Variants in CCDC85A observed in about 807,000 individuals in gnomAD.
CCDC85A encodes the protein coiled-coil domain containing 85A.
A neutral mutation model predicts 50.2 loss-of-function variants in CCDC85A; 38 were observed. The observed-to-expected ratio is 0.76, with a 90% CI of 0.58 to 0.99. The LOEUF (loss-of-function observed/expected upper bound fraction) is 0.99. Among genes scored for constraint, CCDC85A ranks in the 50% least tolerant of loss-of-function variants. The pLI is 0.00. For synonymous variants in CCDC85A, 366 were observed against 301.4 expected (o/e 1.21, Z -2.22); for missense variants, 820 against 742.0 (o/e 1.11, Z -1.22).
chr2:56,228,209 C>T (rs147195267), intron 2 of CCDC85A, among the ~76,000 whole-genome samples: 134 of 152,226 alleles, frequency 8.8e-4, no homozygotes, highest in Non-Finnish European at 1.5e-3. Flanking sequence ...CTTCACTGTG[C>T]CCTAATTTCC....
chr2:56,378,584 A>T (rs1676444850), intron 5 of CCDC85A, among the ~76,000 whole-genome samples: 2 of 152,196 alleles, frequency 1.3e-5, no homozygotes, highest in African/African-American at 4.8e-5. Context: ...CTGTAATCTG[A>T]GGTGAGTATC....
chr2:56,305,263 A>G (rs539618928), intron 2 of CCDC85A, among the ~76,000 whole-genome samples: 21 of 152,316 alleles, frequency 1.4e-4, no homozygotes, highest in African/African-American at 4.8e-4. Context: ...GCTAGTGTTT[A>G]CTGAACAGTT....
chr2:56,229,230 TC>T (rs1438779848), intron 2 of CCDC85A, among the ~76,000 whole-genome samples: 1 of 152,206 alleles, frequency 6.6e-6, no homozygotes, highest in Non-Finnish European at 1.5e-5. Context: ...CCAGTGTTTT[TC>T]CCCTTTACCA....
rs183351403 is a variant in CCDC85A at position 56,385,268 on chromosome 2, A to T, written c.*913A>T. 3.0e-4 allele frequency: 46 copies of T among 152,396 alleles called. No homozygotes were observed. The highest frequency in any genetic ancestry group is 4.4e-5 in the Non-Finnish European group (3 of 67,830). 9.4% of individuals were successfully genotyped at this position (152,396 alleles called of 1,614,324 possible). A position where few individuals can be genotyped will look rare whatever the true frequency, so the allele number is the denominator to read the frequency against. On this transcript the variant is annotated 3_prime_UTR_variant, in exon 6 of 6. Transcript: ENST00000407595. ...TTAATAAACTTTATGTAAACTTTAA[A>T]ATATTGCACTGCATTTATGAAAAAA...
intron 2 of CCDC85A, among the ~76,000 whole-genome samples, chr2:56,208,090 T>C (rs976575211): frequency 3.3e-5 from 5 of 152,174 alleles, no homozygotes; most frequent in African/African-American, 9.7e-5. Context: ...ATATTGTTTC[T>C]TAAGGATTGA....
intron 2 of CCDC85A, among the ~76,000 whole-genome samples, chr2:56,341,177 G>A (rs907269541): frequency 2.0e-5 from 3 of 152,070 alleles, no homozygotes; most frequent in Non-Finnish European, 2.9e-5. Context: ...TAGCCGTCTC[G>A]CATTTCCAGA....
chr2:56,202,789 T>A (rs1676797745), intron 2 of CCDC85A, among the ~76,000 whole-genome samples: 1 of 152,204 alleles, frequency 6.6e-6, no homozygotes, highest in East Asian at 1.9e-4. Flanking sequence ...TCTTGAGAAT[T>A]CAAATTAACC....
chr2:56,188,561 T>G (rs116865878), intron 1 of CCDC85A, among the ~76,000 whole-genome samples: 2 of 152,378 alleles, frequency 1.3e-5, no homozygotes, highest in East Asian at 1.9e-4. Flanking sequence ...GAACATGACT[T>G]GAGCTTTCTA....
chr2:56,368,897 T>G (rs2104385563), intron 3 of CCDC85A, among the ~76,000 whole-genome samples: 1 of 152,168 alleles, frequency 6.6e-6, no homozygotes, highest in Non-Finnish European at 1.5e-5. Context: ...TCCATTTTTC[T>G]GGCGTGCAAA....
chr2:56,285,274 T>C (rs1171615859), intron 2 of CCDC85A, among the ~76,000 whole-genome samples: 1 of 151,228 alleles, frequency 6.6e-6, no homozygotes, highest in African/African-American at 2.4e-5. Context: ...GCTAATTTTT[T>C]TGTGTTTTTC....
chr2:56,301,338 G>T (rs1394987948), intron 2 of CCDC85A, among the ~76,000 whole-genome samples: 1 of 152,068 alleles, frequency 6.6e-6, no homozygotes, highest in East Asian at 1.9e-4. Context: ...TTGTGGTAAG[G>T]CAATGTTTCT....
At chr2:56,228,737 G>A (rs1042761012) in intron 2 of CCDC85A, among the ~76,000 whole-genome samples, 1 of 152,042 alleles carries the variant, frequency 6.6e-6, no homozygotes, top group Non-Finnish European at 1.5e-5. Context: ...GTTTCACTGT[G>A]TTAGCCAGGA....
chr2:56,249,571 T>G (rs1472578170), intron 2 of CCDC85A, among the ~76,000 whole-genome samples: 1 of 152,248 alleles, frequency 6.6e-6, no homozygotes, highest in Non-Finnish European at 1.5e-5. Flanking sequence ...GCAGCTTTAT[T>G]TAGATCAGCT....
chr2:56,345,276 A>G (rs553345800), intron 3 of CCDC85A, among the ~76,000 whole-genome samples: 1 of 152,310 alleles, frequency 6.6e-6, no homozygotes, highest in South Asian at 2.1e-4. Flanking sequence ...TGTGGGATGC[A>G]CCATCATGAT....
chr2:56,318,877 G>GT (rs1188217284), intron 2 of CCDC85A, among the ~76,000 whole-genome samples: 1 of 152,110 alleles, frequency 6.6e-6, no homozygotes, highest in Non-Finnish European at 1.5e-5. Flanking sequence ...TCTTGCTGGT[G>GT]TTAAGTATAG....
chr2:56,333,892 C>G (rs1300491585), intron 2 of CCDC85A, among the ~76,000 whole-genome samples: 1 of 152,172 alleles, frequency 6.6e-6, no homozygotes. Flanking sequence ...AGGAAGGTGA[C>G]AAGACAAACA....
At chr2:56,297,393 CT>C (rs72027842) in intron 2 of CCDC85A, among the ~76,000 whole-genome samples, 16,801 of 136,046 alleles carry the variant, frequency 0.12, 1,033 homozygotes, top group African/African-American at 0.16. Flanking sequence ...TTGTACGAGC[CT>C]TTTTTTTTTT....
At chr2:56,217,696 G>A (rs895959628) in intron 2 of CCDC85A, among the ~76,000 whole-genome samples, 1 of 151,658 alleles carries the variant, frequency 6.6e-6, no homozygotes, top group Non-Finnish European at 1.5e-5. Context: ...TTTTCTATAT[G>A]CAATAAAAGC....
At chr2:56,360,577 G>A (rs892261778) in intron 3 of CCDC85A, among the ~76,000 whole-genome samples, 1 of 152,128 alleles carries the variant, frequency 6.6e-6, no homozygotes, top group African/African-American at 2.4e-5. Flanking sequence ...AAGCTTTAGT[G>A]TCACTTTTCA....
Sources: allele counts gnomAD v4.1 joint callset (sites outside exome capture counted in the v4.1 genomes callset), GRCh38; gene constraint gnomAD v4.1.1; transcripts MANE v1.5; gene names NCBI Gene and HGNC (gene_info 2026-07-23, HGNC 2026-07-21).